Variants in MLYCD observed in about 807,000 individuals in gnomAD.
MLYCD encodes malonyl-CoA decarboxylase, mitochondrial.
Under a neutral mutation model 35.8 loss-of-function variants are expected in MLYCD, and 27 were observed. That is an observed-to-expected ratio of 0.75 (90% CI 0.56 to 1.04). The LOEUF is 1.04. MLYCD is among the 50% of genes least tolerant of loss of function. MLYCD has a pLI of 0.00. For synonymous variants in MLYCD, 403 were observed against 302.4 expected, an observed-to-expected ratio of 1.33 and a Z score of -3.45; for missense variants, 917 against 665.1, an observed-to-expected ratio of 1.38 and a Z score of -4.17.
rs1236971175 is a variant in MLYCD, at chr16:83,925,032, C to T, written c.*9543C>T. On this transcript the variant is annotated 3_prime_UTR_variant, in exon 5 of 5. Coordinates refer to ENST00000262430, the MANE Select transcript of MLYCD (RefSeq NM_012213.3). Reference sequence around the variant, plus strand: ...GTCTCCTAACTACCGATAGCAAGGGCACTAGTGCCCCTGTTTGCCGGGGAC... The same window carrying T: ...GTCTCCTAACTACCGATAGCAAGGGTACTAGTGCCCCTGTTTGCCGGGGAC... 2 of 152,334 alleles carry T rather than the reference C, an allele frequency of 1.3e-5. No individual in the cohort carries two copies. The highest frequency in any genetic ancestry group is 1.5e-5 in the Non-Finnish European group (1 of 68,102). The allele number at this position is 152,334 out of a possible 1,614,324, so 9.4% of individuals were successfully genotyped here. A position where few individuals can be genotyped will look rare whatever the true frequency, so the allele number is the denominator to read the frequency against.
chr16:83,913,864 A>G (rs1907275038), intron 4 of MLYCD: 1 of 151,128 alleles, frequency 6.6e-6, no homozygotes, highest in South Asian at 2.1e-4. Context: ...AGCTACCACG[A>G]ATGCCCAACG....
chr16:83,912,013 G>C (rs1302557158), intron 3 of MLYCD: 1 of 659,186 alleles, frequency 1.5e-6, no homozygotes. Flanking sequence ...AGGACCCCCA[G>C]GCACGCGGTG....
intron 4 of MLYCD, 36 bp from the exon 5 acceptor site, chr16:83,914,920 C>A: frequency 6.2e-7 from 1 of 1,614,056 alleles, no homozygotes; most frequent in South Asian, 1.1e-5. Context: ...TTTGTGTTTT[C>A]TCCGCCTTCC....
rs949477556 is a variant in MLYCD, at chr16:83,918,402, CAGG to C, written c.*2916_*2918del. 7 of 145,648 alleles carry C rather than the reference CAGG, an allele frequency of 4.8e-5. No homozygotes were observed. The highest frequency in any genetic ancestry group is 2.7e-4 in the Admixed American group (4 of 14,600). The allele number at this position is 145,648 out of a possible 1,614,324, so 9.0% of individuals were successfully genotyped here. A position where few individuals can be genotyped will look rare whatever the true frequency, so the allele number is the denominator to read the frequency against. On this transcript the variant is annotated 3_prime_UTR_variant, in exon 5 of 5. Transcript: ENST00000262430. ...CACAGGAGAATTCACACACAGTGCACAGGAGAACACACAGTGCACAGGAGAACA... is the reference window on the plus strand; with the variant it reads ...CACAGGAGAATTCACACACAGTGCACAGAACACACAGTGCACAGGAGAACA...
Position 83,914,991 on chromosome 16 carries a change from G to T in MLYCD, c.984G>T (p.Leu328=), listed in dbSNP as rs765416276. The T allele has an allele frequency of 8.7e-6, 14 of 1,614,234 alleles. No individual in the cohort carries two copies. Among genetic ancestry groups the T allele is most frequent in the Non-Finnish European group, 1.2e-5 (14 of 1,180,052 alleles). ...CTCACCTTGGGGTGTTTTCAAGTCT[G>T]TCACCTATACCTGGTTTCACCAAAT... The part of the protein sequence containing the change: ...EFPHLGVFSS[L]SPIPGFTKWL... The change falls in exon 5 of 5, where the codon CTG becomes CTT. Residue 328 remains leucine (L), a synonymous_variant. Coordinates refer to ENST00000262430, the MANE Select transcript of MLYCD (RefSeq NM_012213.3).
intron 1 of MLYCD, among the ~76,000 whole-genome samples, chr16:83,905,224 CA>C (rs879520126): frequency 2.7e-3 from 369 of 136,304 alleles, no homozygotes; most frequent in Middle Eastern, 7.6e-3. Context: ...CTCCATCTCT[CA>C]AAAAAAAAAA....
rs796051991 is a variant in MLYCD, at chr16:83,899,616, CG to C, written c.475del (p.Ala159ProfsTer20). On this transcript the variant is annotated frameshift_variant, in exon 1 of 5. Coordinates refer to ENST00000262430, the MANE Select transcript of MLYCD (RefSeq NM_012213.3). LOFTEE classifies it high-confidence loss of function. ...DGGVRFLVQL[R>X]ADLLEAQALK... Reference sequence around the variant, plus strand: ...CGGCGTGCGCTTCCTGGTGCAGCTGCGGGCCGACCTGCTGGAGGCGCAGGCC... The same window carrying C: ...CGGCGTGCGCTTCCTGGTGCAGCTGCGGCCGACCTGCTGGAGGCGCAGGCC... 95 of 1,574,960 alleles carry C rather than the reference CG, an allele frequency of 6.0e-5. No individual in the cohort carries two copies. The highest frequency in any genetic ancestry group is 7.3e-5 in the Non-Finnish European group (85 of 1,169,474).
intron 4 of MLYCD, chr16:83,914,306 C>G (rs967803338): frequency 6.1e-6 from 1 of 165,238 alleles, no homozygotes; most frequent in Non-Finnish European, 1.3e-5. Context: ...CCGTTCTGCA[C>G]CCGCCGTGGT....
At chr16:83,908,530 C>T (rs1055709989) in intron 3 of MLYCD, among the ~76,000 whole-genome samples, 2 of 152,084 alleles carry the variant, frequency 1.3e-5, no homozygotes, top group African/African-American at 2.4e-5. Flanking sequence ...GGTTGAGATA[C>T]AGTTAAAGTC....
chr16:83,904,541 C>A (rs967320619), intron 1 of MLYCD, among the ~76,000 whole-genome samples: 2 of 152,194 alleles, frequency 1.3e-5, no homozygotes, highest in East Asian at 1.9e-4. Context: ...ACGATTCATT[C>A]CATTTTTCCA....
At chr16:83,905,754 C>T (rs1053361501) in intron 1 of MLYCD, among the ~76,000 whole-genome samples, 3 of 152,172 alleles carry the variant, frequency 2.0e-5, no homozygotes, top group Non-Finnish European at 2.9e-5. Flanking sequence ...TGCCCCCAGC[C>T]GCAGTGCAAT....
chr16:83,906,867 C>G, intron 1 of MLYCD, 120 bp from the exon 2 acceptor site: 1 of 881,712 alleles, frequency 1.1e-6, no homozygotes, highest in Non-Finnish European at 1.9e-6. Flanking sequence ...GGAGAGTTGT[C>G]TTGCACAATT....
At position 83,917,539 on chromosome 16, in the gene MLYCD, G is replaced by C. The variant is rs988624534; in HGVS notation, c.*2050G>C. 1.3e-5 allele frequency: 2 copies of C among 153,660 alleles called. No homozygotes were observed. Among genetic ancestry groups the C allele is most frequent in the Non-Finnish European group, 2.9e-5 (2 of 68,112 alleles). 9.5% of individuals were successfully genotyped at this position (153,660 alleles called of 1,614,324 possible). A position where few individuals can be genotyped will look rare whatever the true frequency, so the allele number is the denominator to read the frequency against. The stretch of plus-strand genomic sequence containing the variant: ...GGCCCCTTCTCTGTCTTCTGCGTAC[G>C]GCGTGTTGCTTCGTGACAGACGGTG... On this transcript the variant is annotated 3_prime_UTR_variant, in exon 5 of 5. Coordinates refer to ENST00000262430, the MANE Select transcript of MLYCD (RefSeq NM_012213.3).
chr16:83,921,201 G>A lies in MLYCD; in HGVS notation c.*5712G>A, dbSNP rs942010195. The A allele has an allele frequency of 5.3e-5, 8 of 150,640 alleles. No homozygotes were observed. The highest frequency in any genetic ancestry group is 4.0e-4 in the Admixed American group (6 of 15,114). 9.3% of individuals were successfully genotyped at this position (150,640 alleles called of 1,614,324 possible). On this transcript the variant is annotated 3_prime_UTR_variant, in exon 5 of 5. Transcript: ENST00000262430. ...GTGGATGGAAGGAAGATGGATGGAT[G>A]GAATGATGGATGGGTGGTAGAGGGT... is the stretch of plus-strand genomic sequence containing the variant.
rs1160533625 is a variant in MLYCD, at chr16:83,899,429, C to T, written c.285C>T (p.Phe95=). 1 of 1,512,582 alleles carries T rather than the reference C, an allele frequency of 6.6e-7. No homozygotes were observed. The highest frequency in any genetic ancestry group is 2.7e-5 in the East Asian group (1 of 37,096). The allele number at this position is 1,512,582 out of a possible 1,614,324, so 93.7% of individuals were successfully genotyped here. A position where few individuals can be genotyped will look rare whatever the true frequency, so the allele number is the denominator to read the frequency against. Reference sequence around the variant, plus strand: ...TGCTGGGCCGCCTGGCGCGGGGCTTCGGCGTGGACCACGGCCAGGTGGCGG... The same window carrying T: ...TGCTGGGCCGCCTGGCGCGGGGCTTTGGCGTGGACCACGGCCAGGTGGCGG... The part of the protein sequence containing the change: ...AELLGRLARG[F]GVDHGQVAEQ... The change falls in exon 1 of 5, where the codon TTC becomes TTT. Residue 95 remains phenylalanine, a synonymous_variant. Coordinates refer to ENST00000262430, the MANE Select transcript of MLYCD (RefSeq NM_012213.3).
chr16:83,926,886 T>C lies in MLYCD; in HGVS notation c.*11397T>C, dbSNP rs1907824397. ...CCTCCTCTGCTCTGCGCTTGGGCGC[T>C]GAATGTTAAAATTCCTAACAGGTGA... is the stretch of plus-strand genomic sequence containing the variant. On this transcript the variant is annotated 3_prime_UTR_variant, in exon 5 of 5. Coordinates refer to ENST00000262430, the MANE Select transcript of MLYCD (RefSeq NM_012213.3). 6.6e-6 allele frequency: 1 copy of C among 152,190 alleles called. No homozygotes were observed. Among genetic ancestry groups the C allele is most frequent in the Admixed American group, 6.5e-5 (1 of 15,276 alleles). 9.4% of individuals were successfully genotyped at this position (152,190 alleles called of 1,614,324 possible).
chr16:83,915,762 G>A lies in MLYCD; in HGVS notation c.*273G>A, dbSNP rs1907362439. On this transcript the variant is annotated 3_prime_UTR_variant, in exon 5 of 5. Transcript: ENST00000262430. ...AAGATTCTGTCGTTGCCCTTGGCCT[G>A]GCTCCCTGCCCGGGGCTGGTGCTGT... 9 of 1,337,402 alleles carry A rather than the reference G, an allele frequency of 6.7e-6. No individual in the cohort carries two copies. Among genetic ancestry groups the A allele is most frequent in the Admixed American group, 3.1e-5 (1 of 32,092 alleles). The allele number at this position is 1,337,402 out of a possible 1,614,324, so 82.8% of individuals were successfully genotyped here.
chr16:83,908,017 G>A, intron 2 of MLYCD, 109 bp from the exon 3 acceptor site: 1 of 1,392,276 alleles, frequency 7.2e-7, no homozygotes, highest in Non-Finnish European at 1.0e-6. Flanking sequence ...GTCCATTAAA[G>A]CTCTATTTAA....
rs1003003517 is a variant in MLYCD, at chr16:83,899,645, C to A, written c.501C>A (p.Leu167=). 1 of 1,548,544 alleles carries A rather than the reference C, an allele frequency of 6.5e-7. No individual in the cohort carries two copies. The highest frequency in any genetic ancestry group is 8.7e-7 in the Non-Finnish European group (1 of 1,155,598). Residue 167 remains leucine (L), a synonymous_variant, in exon 1 of 5, where the codon CTC becomes CTA. Transcript: ENST00000262430. ...LRADLLEAQA[L]KLVEGPDVRE... is the part of the protein sequence containing the mutation. ...CCGACCTGCTGGAGGCGCAGGCCCT[C>A]AAGCTGGTGGAGGGGCCGGACGTCC...
Sources: gnomAD v4.1 joint callset for allele counts (sites outside exome capture counted in the v4.1 genomes callset) on GRCh38, gnomAD v4.1.1 for gene constraint, MANE v1.5 for transcripts, NCBI Gene and HGNC (gene_info 2026-07-23, HGNC 2026-07-21) for gene names.